Variants in COL23A1 observed in about 807,000 individuals in gnomAD.
COL23A1 encodes the protein collagen type XXIII alpha 1 chain.
Under a neutral mutation model 99.3 loss-of-function variants are expected in COL23A1, and 97 were observed. The observed-to-expected ratio is 0.98, with a 90% CI of 0.83 to 1.16. The LOEUF (loss-of-function observed/expected upper bound fraction) is 1.16, where lower values mean the gene tolerates loss of function less well. COL23A1 is among the 50% of genes most tolerant of loss of function. COL23A1 has a pLI of 0.00. For synonymous variants in COL23A1, 320 were observed against 308.2 expected (o/e 1.04, Z -0.40); for missense variants, 762 against 757.4 (o/e 1.01, Z -0.07).
intron 2 of COL23A1, among the ~76,000 whole-genome samples, chr5:178,559,599 G>A (rs1284694916): frequency 3.2e-5 from 4 of 124,120 alleles, no homozygotes; most frequent in Admixed American, 7.8e-5. Context: ...TTCCCTGCAG[G>A]TCGAGAAGTC....
intron 2 of COL23A1, among the ~76,000 whole-genome samples, chr5:178,553,252 A>G (rs1049740874): frequency 2.0e-5 from 3 of 152,010 alleles, no homozygotes; most frequent in African/African-American, 7.2e-5. Context: ...GTAAGGCAGT[A>G]AACAGGCTGA....
intron 2 of COL23A1, among the ~76,000 whole-genome samples, chr5:178,472,518 T>A (rs531245324): frequency 1.3e-5 from 2 of 152,206 alleles, no homozygotes; most frequent in Admixed American, 6.5e-5. Context: ...CAGTCAGATA[T>A]GGCTTATACA....
rs185063254 is a variant in COL23A1 at position 178,401,300 on chromosome 5, C to A, written c.362-94381G>T. ...TATCCTCTGGCTATTGTGAATAGTGCGGCTATGAACACTGGGGTACGAGCA... is the reference window on the plus strand; with the variant it reads ...TATCCTCTGGCTATTGTGAATAGTGAGGCTATGAACACTGGGGTACGAGCA... On this transcript the variant is annotated intron_variant, in intron 2 of 28. Coordinates refer to ENST00000390654, the MANE Select transcript of COL23A1 (RefSeq NM_173465.4). Among the ~76,000 whole-genome samples, 768 of 152,324 alleles carry A rather than the reference C, an allele frequency of 5.0e-3. 7 individuals carry two copies. Among genetic ancestry groups the A allele is most frequent in the African/African-American group, 0.017 (717 of 41,564 alleles).
intron 2 of COL23A1, among the ~76,000 whole-genome samples, chr5:178,539,170 G>A (rs1040647742): frequency 3.9e-5 from 6 of 152,192 alleles, no homozygotes; most frequent in Non-Finnish European, 7.3e-5. Flanking sequence ...ACAACTCTGT[G>A]TATACTCTAA....
At chr5:178,288,579 C>T (rs1757284139) in intron 4 of COL23A1, 4 of 620,624 alleles carry the variant, frequency 6.4e-6, no homozygotes, top group Non-Finnish European at 1.2e-5. Context: ...TTCATCGGGG[C>T]TCCGGGCACA....
chr5:178,281,912 C>T lies in COL23A1; in HGVS notation c.441+6412G>A, dbSNP rs758077438. ...TAAAAACACAAAAAAATCAGCCAGGCGTGGTGGTGCGTACCTGTAATCCTA... is the reference window on the plus strand; with the variant it reads ...TAAAAACACAAAAAAATCAGCCAGGTGTGGTGGTGCGTACCTGTAATCCTA... On this transcript the variant is annotated intron_variant, in intron 5 of 28. Transcript: ENST00000390654. This position sits in a 1 kb window ranked among gnomAD's most constrained non-coding sequence, Gnocchi z 4.0. Among the ~76,000 whole-genome samples, 38 of 151,574 alleles carry T rather than the reference C, an allele frequency of 2.5e-4. No homozygotes were observed. Among genetic ancestry groups the T allele is most frequent in the Non-Finnish European group, 4.3e-4 (29 of 67,942 alleles).
intron 2 of COL23A1, among the ~76,000 whole-genome samples, chr5:178,408,772 T>C (rs1365770050): frequency 6.6e-6 from 1 of 151,808 alleles, no homozygotes; most frequent in Admixed American, 6.6e-5. Context: ...TTGACCAACA[T>C]GGAGAAACCC....
At chr5:178,424,112 G>T (rs79616965) in intron 2 of COL23A1, among the ~76,000 whole-genome samples, 1 of 152,078 alleles carries the variant, frequency 6.6e-6, no homozygotes, top group Non-Finnish European at 1.5e-5. Flanking sequence ...GAAGTAACGC[G>T]CTTGCTCCCT....
At chr5:178,344,809 T>C in intron 2 of COL23A1, 1 of 606,220 alleles carries the variant, frequency 1.6e-6, no homozygotes, top group South Asian at 1.5e-5. Context: ...TTTGTTAAGA[T>C]CACTGTAGCT....
At chr5:178,372,220 G>T (rs1762836507) in intron 2 of COL23A1, among the ~76,000 whole-genome samples, 1 of 152,250 alleles carries the variant, frequency 6.6e-6, no homozygotes, top group Admixed American at 6.5e-5. Flanking sequence ...GTGCTGGGAG[G>T]CACTTCGAGA....
intron 5 of COL23A1, among the ~76,000 whole-genome samples, chr5:178,282,528 G>A (rs988336448): frequency 6.6e-6 from 1 of 152,224 alleles, no homozygotes; most frequent in Admixed American, 6.5e-5. Flanking sequence ...TTGAGAGGCT[G>A]GCTGGTTGGT....
rs898539998 is a variant in COL23A1, at chr5:178,260,052, C to T, written c.703-305G>A. Among the ~76,000 whole-genome samples the T allele has an allele frequency of 2.6e-5, 4 of 152,246 alleles. No individual in the cohort carries two copies. In the East Asian group the frequency reaches 7.7e-4, roughly 29 times the overall value. ...CTAAGCAAGCTCTTTCCCATCCTTC[C>T]TCCTCAGGCCAGAGGCTCCGTCTCC... On this transcript the variant is annotated intron_variant, in intron 11 of 28. Coordinates refer to ENST00000390654, the MANE Select transcript of COL23A1 (RefSeq NM_173465.4).
chr5:178,515,173 G>C (rs1034984550), intron 2 of COL23A1, among the ~76,000 whole-genome samples: 5 of 152,196 alleles, frequency 3.3e-5, no homozygotes, highest in Non-Finnish European at 5.9e-5. Flanking sequence ...AGCCCTCCTG[G>C]GGACATCTGC....
At chr5:178,547,609 AC>A (rs1189198929) in intron 2 of COL23A1, among the ~76,000 whole-genome samples, 3 of 3,020 alleles carry the variant, frequency 9.9e-4, no homozygotes, top group Admixed American at 5.6e-3. Flanking sequence ...CCACACACAC[AC>A]CCCCCACACA....
chr5:178,405,966 G>A (rs1459742071), intron 2 of COL23A1, among the ~76,000 whole-genome samples: 1 of 152,184 alleles, frequency 6.6e-6, no homozygotes, highest in Non-Finnish European at 1.5e-5. Flanking sequence ...AGCCAGGCAT[G>A]GTGGCATGCA....
intron 2 of COL23A1, among the ~76,000 whole-genome samples, chr5:178,422,562 C>T (rs754381317): frequency 7.9e-5 from 12 of 152,266 alleles, no homozygotes; most frequent in Admixed American, 2.0e-4. Context: ...GCTGTCTGCA[C>T]GTCCCTGAGC....
At chr5:178,328,730 G>A in intron 2 of COL23A1, among the ~76,000 whole-genome samples, 1 of 152,210 alleles carries the variant, frequency 6.6e-6, no homozygotes, top group East Asian at 1.9e-4. Flanking sequence ...ACTGTTTGGT[G>A]CCGACACACA....
intron 2 of COL23A1, among the ~76,000 whole-genome samples, chr5:178,385,310 G>C (rs13160887): frequency 6.6e-6 from 1 of 152,152 alleles, no homozygotes; most frequent in Non-Finnish European, 1.5e-5. Flanking sequence ...GTGAGCTGTG[G>C]ACGCGGGGAA....
chr5:178,417,559 C>T (rs561929435), intron 2 of COL23A1, among the ~76,000 whole-genome samples: 4 of 152,230 alleles, frequency 2.6e-5, no homozygotes, highest in African/African-American at 7.2e-5. Context: ...ATTCCCCCAG[C>T]GAGATATCAT....
Sources: allele counts gnomAD v4.1 joint callset (sites outside exome capture counted in the v4.1 genomes callset), GRCh38; gene constraint gnomAD v4.1.1; non-coding constraint Gnocchi (gnomAD v3.1); transcripts MANE v1.5; gene names NCBI Gene and HGNC (gene_info 2026-07-23, HGNC 2026-07-21).